Variants in KRABD5 observed in about 807,000 individuals in gnomAD.
KRABD5 encodes KRAB domain containing 5.
At chr16:31,719,043 C>T in the KRABD5 span, among the ~76,000 whole-genome samples, 5 of 152,372 alleles carry the variant, frequency 3.3e-5, no homozygotes, top group Admixed American at 1.3e-4. Flanking sequence ...TCTGGAGACT[C>T]ATACTGATAG....
the KRABD5 span, among the ~76,000 whole-genome samples, chr16:31,737,621 C>T: frequency 6.6e-6 from 1 of 152,136 alleles, no homozygotes; most frequent in Non-Finnish European, 1.5e-5. Context: ...TATAAGTTTA[C>T]TATATACATG....
the KRABD5 span, chr16:31,759,841 A>G: frequency 6.4e-6 from 1 of 156,914 alleles, no homozygotes; most frequent in East Asian, 1.8e-4. Context: ...CTTTACATGA[A>G]TGTTTCTGTA....
At chr16:31,744,707 C>T in the KRABD5 span, among the ~76,000 whole-genome samples, 1 of 152,162 alleles carries the variant, frequency 6.6e-6, no homozygotes, top group Non-Finnish European at 1.5e-5. Flanking sequence ...GTTACCAGCT[C>T]CTCATTGTAC....
At chr16:31,735,965 C>T in the KRABD5 span, among the ~76,000 whole-genome samples, 3 of 152,070 alleles carry the variant, frequency 2.0e-5, no homozygotes, top group Non-Finnish European at 4.4e-5. Flanking sequence ...GCTTTGAAGT[C>T]GGAATTTCCA....
At chr16:31,743,694 T>C in the KRABD5 span, among the ~76,000 whole-genome samples, 2 of 152,204 alleles carry the variant, frequency 1.3e-5, no homozygotes, top group Non-Finnish European at 2.9e-5. Context: ...TAGTATTTAA[T>C]CTATAAATTA....
chr16:31,753,713 A>G, the KRABD5 span: 1 of 1,410,116 alleles, frequency 7.1e-7, no homozygotes, highest in Non-Finnish European at 9.4e-7. Flanking sequence ...TTTATAAAGT[A>G]TTTTCACCTG....
At chr16:31,749,667 C>T in the KRABD5 span, among the ~76,000 whole-genome samples, 1 of 152,164 alleles carries the variant, frequency 6.6e-6, no homozygotes, top group Non-Finnish European at 1.5e-5. Context: ...CACACTCACA[C>T]ACTGACTCCT....
chr16:31,743,734 T>C, the KRABD5 span, among the ~76,000 whole-genome samples: 1 of 152,218 alleles, frequency 6.6e-6, no homozygotes, highest in African/African-American at 2.4e-5. Flanking sequence ...TTTCACAATG[T>C]TGATTCTTCC....
chr16:31,732,241 C>T, the KRABD5 span, among the ~76,000 whole-genome samples: 3 of 152,276 alleles, frequency 2.0e-5, no homozygotes, highest in South Asian at 4.1e-4. Context: ...TTGCAAAGCT[C>T]CCATAAAGGC....
the KRABD5 span, among the ~76,000 whole-genome samples, chr16:31,728,717 A>G: frequency 3.9e-5 from 6 of 152,302 alleles, no homozygotes; most frequent in South Asian, 1.2e-3. Context: ...TTTTGGTTTA[A>G]CATGTGATCT....
At chr16:31,743,108 A>G in the KRABD5 span, among the ~76,000 whole-genome samples, 361 of 150,720 alleles carry the variant, frequency 2.4e-3, 2 homozygotes, top group African/African-American at 8.4e-3. Context: ...TCTGTAGGTA[A>G]CCAGGCTTTT....
the KRABD5 span, among the ~76,000 whole-genome samples, chr16:31,716,277 A>G: frequency 1.3e-5 from 2 of 152,200 alleles, no homozygotes; most frequent in African/African-American, 2.4e-5. Flanking sequence ...AAGTCAGAGC[A>G]TAGCCTTGCC....
chr16:31,736,334 C>G, the KRABD5 span, among the ~76,000 whole-genome samples: 7 of 150,928 alleles, frequency 4.6e-5, no homozygotes, highest in Non-Finnish European at 1.0e-4. Context: ...AGTGTGATGC[C>G]TTGAGCCTGC....
the KRABD5 span, among the ~76,000 whole-genome samples, chr16:31,734,684 T>G: frequency 6.6e-6 from 1 of 151,962 alleles, no homozygotes; most frequent in African/African-American, 2.4e-5. Flanking sequence ...TTTCTATTCC[T>G]CCCCCTTCAG....
chr16:31,715,242 A>T, the KRABD5 span, among the ~76,000 whole-genome samples: 1 of 152,214 alleles, frequency 6.6e-6, no homozygotes, highest in African/African-American at 2.4e-5. Context: ...TTGACCATCG[A>T]AGATAAAACT....
At chr16:31,725,282 A>AT in the KRABD5 span, among the ~76,000 whole-genome samples, 3 of 152,050 alleles carry the variant, frequency 2.0e-5, no homozygotes, top group South Asian at 6.3e-4. Flanking sequence ...CGCCTGGCTA[A>AT]TTTTTTCGTA....
At chr16:31,750,522 T>G in the KRABD5 span, among the ~76,000 whole-genome samples, 1 of 152,158 alleles carries the variant, frequency 6.6e-6, no homozygotes, top group African/African-American at 2.4e-5. Flanking sequence ...TTTATTTCAT[T>G]CTCTTGACTG....
the KRABD5 span, chr16:31,713,637 C>G: frequency 1.5e-6 from 1 of 677,984 alleles, no homozygotes; most frequent in South Asian, 1.9e-5. Context: ...CCCCGCAGAG[C>G]GACCTCTGCC....
chr16:31,744,740 A>G, the KRABD5 span, among the ~76,000 whole-genome samples: 1 of 152,142 alleles, frequency 6.6e-6, no homozygotes, highest in Non-Finnish European at 1.5e-5. Context: ...TCGGCTGTGA[A>G]TCCATCTGGT....
Sources: gnomAD v4.1 joint callset for allele counts (sites outside exome capture counted in the v4.1 genomes callset) on GRCh38, gnomAD v4.1.1 for gene constraint, MANE v1.5 for transcripts, NCBI Gene and HGNC (gene_info 2026-07-23, HGNC 2026-07-21) for gene names.